Variants in PHEX observed in about 807,000 individuals in gnomAD.
PHEX encodes the protein phosphate-regulating neutral endopeptidase PHEX.
Under a neutral mutation model 68.0 loss-of-function variants are expected in PHEX, and 16 were observed. The ratio of observed to expected loss-of-function variants is 0.24; its 90% CI spans 0.16 to 0.36. The LOEUF is 0.36. PHEX is among the 10% of genes least tolerant of loss of function. PHEX has a pLI of 1.00. For missense variants in PHEX, 480 were observed against 575.5 expected (o/e 0.83, Z 1.70); for synonymous variants, 208 against 205.1 (o/e 1.01, Z -0.12).
At chrX:22,133,258 T>G (rs1446473115) in intron 11 of PHEX, among the ~76,000 whole-genome samples, 1 of 111,310 alleles carries the variant, frequency 9.0e-6, no homozygotes, top group Admixed American at 9.6e-5. Flanking sequence ...TGGGCTCAAG[T>G]GATCCACCTG....
At position 22,066,150 on chromosome X, in the gene PHEX, A is replaced by G. The variant is rs188900100; in HGVS notation, c.350-10238A>G. Reference sequence around the variant, plus strand: ...AAGATTTTAGACTCTATCCTAGGGCAATGGGAAGGCGTTTGTAAATGTCAT... The same window carrying G: ...AAGATTTTAGACTCTATCCTAGGGCGATGGGAAGGCGTTTGTAAATGTCAT... On this transcript the variant is annotated intron_variant, in intron 3 of 21. Transcript: ENST00000379374. Among the ~76,000 whole-genome samples the G allele has an allele frequency of 2.7e-5, 3 of 111,913 alleles. No homozygotes were observed. In the East Asian group the frequency reaches 8.5e-4, roughly 32 times the overall value.
At chrX:22,070,188 A>G (rs1034217095) in intron 3 of PHEX, among the ~76,000 whole-genome samples, 1 of 111,877 alleles carries the variant, frequency 8.9e-6, no homozygotes, top group African/African-American at 3.2e-5. Context: ...AAAAAAATCT[A>G]GGTCTAGAGA....
intron 15 of PHEX, among the ~76,000 whole-genome samples, chrX:22,205,908 T>C (rs1261435764): frequency 1.8e-5 from 2 of 112,371 alleles, no homozygotes; most frequent in Non-Finnish European, 3.8e-5. Flanking sequence ...ATATTTTGTC[T>C]AATTTTCTCT....
intron 11 of PHEX, among the ~76,000 whole-genome samples, chrX:22,127,184 A>C (rs1346047242): frequency 2.7e-5 from 3 of 111,106 alleles, no homozygotes; most frequent in African/African-American, 9.8e-5. Context: ...TGAAATAAAT[A>C]GATATTTAAC....
chrX:22,242,552 CT>C (rs1936257437), intron 20 of PHEX, among the ~76,000 whole-genome samples: 1 of 111,801 alleles, frequency 8.9e-6, no homozygotes, highest in Non-Finnish European at 1.9e-5. Flanking sequence ...CCAAAATCTC[CT>C]TAAGCTGATA....
At chrX:22,111,089 A>G (rs1453802672) in intron 9 of PHEX, among the ~76,000 whole-genome samples, 1 of 112,578 alleles carries the variant, frequency 8.9e-6, no homozygotes, top group Admixed American at 9.4e-5. Context: ...TATCAACTGT[A>G]TAACAAAAGG....
At chrX:22,217,116 A>G (rs1037586635) in intron 16 of PHEX, among the ~76,000 whole-genome samples, 1 of 111,809 alleles carries the variant, frequency 8.9e-6, no homozygotes, top group African/African-American at 3.2e-5. Flanking sequence ...CATCCAGTCA[A>G]CAGCATTGAC....
chrX:22,167,487 A>ATTT (rs1424429207), intron 12 of PHEX, among the ~76,000 whole-genome samples: 2 of 90,954 alleles, frequency 2.2e-5, no homozygotes, highest in East Asian at 4.0e-4. Flanking sequence ...TAATTTTTTA[A>ATTT]TTTCTTTTTT....
intron 16 of PHEX, among the ~76,000 whole-genome samples, chrX:22,218,732 G>A (rs1935171125): frequency 8.9e-6 from 1 of 112,046 alleles, no homozygotes; most frequent in Non-Finnish European, 1.9e-5. Context: ...AAAAATCATA[G>A]CAATCTTAAG....
At chrX:22,224,993 G>GA in intron 18 of PHEX, among the ~76,000 whole-genome samples, 1,929 of 97,981 alleles carry the variant, frequency 0.02, 2 homozygotes, top group Middle Eastern at 0.039. Flanking sequence ...AGCTCTGTAT[G>GA]TCAGAAGTCT....
intron 9 of PHEX, among the ~76,000 whole-genome samples, chrX:22,100,714 C>T (rs767478607): frequency 6.2e-4 from 69 of 111,569 alleles, no homozygotes; most frequent in Non-Finnish European, 1.1e-3. Context: ...ATTGCAGGAC[C>T]TTTCATAACA....
chrX:22,154,367 G>A (rs547244863), intron 12 of PHEX, among the ~76,000 whole-genome samples: 2 of 110,911 alleles, frequency 1.8e-5, no homozygotes, highest in African/African-American at 6.6e-5. Context: ...AGAAGCCTTG[G>A]TACCATGGCA....
At chrX:22,236,682 T>G (rs1189046153) in intron 20 of PHEX, among the ~76,000 whole-genome samples, 1 of 112,193 alleles carries the variant, frequency 8.9e-6, no homozygotes, top group Non-Finnish European at 1.9e-5. Flanking sequence ...AGTGGCAGAG[T>G]TGAATAATTG....
intron 3 of PHEX, among the ~76,000 whole-genome samples, chrX:22,073,635 GTTTT>G (rs1182752837): frequency 1.9e-5 from 1 of 53,218 alleles, no homozygotes; most frequent in Non-Finnish European, 3.4e-5. Flanking sequence ...CTGTGCTATA[GTTTT>G]TTTTTTTTTT....
chrX:22,250,008 C>T lies in PHEX; in HGVS notation c.*2055C>T, dbSNP rs969805019. ...AAACTGGTTGGTGATTAGTTGGGGC[C>T]CTCACAGTTTCTAGATGAGAAGCTT... On this transcript the variant is annotated 3_prime_UTR_variant, in exon 22 of 22. Transcript: ENST00000379374. 9.0e-6 allele frequency: 1 copy of T among 111,498 alleles called. No homozygotes were observed. The highest frequency in any genetic ancestry group is 3.8e-4 in the South Asian group (1 of 2,662). The allele number at this position is 111,498 out of a possible 1,213,427, so 9.2% of individuals were successfully genotyped here.
chrX:22,120,928 T>C (rs1411189924), intron 11 of PHEX, among the ~76,000 whole-genome samples: 1 of 112,334 alleles, frequency 8.9e-6, no homozygotes, highest in Non-Finnish European at 1.9e-5. Flanking sequence ...GAAAATTCAG[T>C]AAAGCTGAAG....
chrX:22,144,546 T>C (rs1023166812), intron 12 of PHEX, among the ~76,000 whole-genome samples: 1 of 111,169 alleles, frequency 9.0e-6, no homozygotes, highest in Non-Finnish European at 1.9e-5. Context: ...ATTCCATCTA[T>C]GAAATCATTT....
intron 13 of PHEX, among the ~76,000 whole-genome samples, chrX:22,177,850 C>T (rs768772997): frequency 1.3e-3 from 144 of 111,688 alleles, no homozygotes; most frequent in Non-Finnish European, 2.1e-3. Flanking sequence ...AGTTTTCAGC[C>T]AACTAAACTG....
intron 13 of PHEX, 118 bp downstream of exon 13, chrX:22,168,507 G>C: frequency 1.9e-6 from 1 of 524,474 alleles, no homozygotes; most frequent in Admixed American, 2.7e-5. Context: ...ACCAACTTTT[G>C]ATTAATTCCT....
Sources: allele counts gnomAD v4.1 joint callset (sites outside exome capture counted in the v4.1 genomes callset), GRCh38; gene constraint gnomAD v4.1.1; transcripts MANE v1.5; gene names NCBI Gene and HGNC (gene_info 2026-07-23, HGNC 2026-07-21).